PARD3B: variants seen among roughly 807,000 people sequenced by gnomAD.
PARD3B encodes partitioning defective 3 homolog B.
PARD3B carries 103 observed loss-of-function variants against 130.2 expected under a neutral mutation model. That is an observed-to-expected ratio of 0.79 (90% CI 0.67 to 0.93). The LOEUF is 0.93. Ranked by LOEUF, PARD3B falls within the 40% of genes least tolerant of loss-of-function variation. The pLI, the probability that PARD3B is intolerant of heterozygous loss-of-function variation, is 0.00. For synonymous variants in PARD3B, 583 were observed against 553.2 expected, an observed-to-expected ratio of 1.05 and a Z score of -0.76; for missense variants, 1,609 against 1,499.2, an observed-to-expected ratio of 1.07 and a Z score of -1.21.
At chr2:205,224,793 C>G (rs1467542421) in intron 15 of PARD3B, among the ~76,000 whole-genome samples, 2 of 149,682 alleles carry the variant, frequency 1.3e-5, no homozygotes, top group African/African-American at 4.9e-5. Flanking sequence ...ATTTTTTTTT[C>G]TTTTCTCATA....
At chr2:205,579,064 G>A (rs766271919) in intron 22 of PARD3B, among the ~76,000 whole-genome samples, 19 of 152,280 alleles carry the variant, frequency 1.2e-4, no homozygotes, top group Non-Finnish European at 2.5e-4. Context: ...ACGTAAAAAT[G>A]TAAATATTCC....
At chr2:204,660,965 G>C (rs1408334701) in intron 1 of PARD3B, among the ~76,000 whole-genome samples, 1 of 152,236 alleles carries the variant, frequency 6.6e-6, no homozygotes, top group South Asian at 2.1e-4. Flanking sequence ...TTTCATTGCA[G>C]TGCCTGGATA....
chr2:205,314,013 T>C (rs919117063), intron 18 of PARD3B, among the ~76,000 whole-genome samples: 1 of 152,250 alleles, frequency 6.6e-6, no homozygotes, highest in Non-Finnish European at 1.5e-5. Context: ...TTCATATACA[T>C]GTAAACATTC....
intron 3 of PARD3B, among the ~76,000 whole-genome samples, chr2:204,989,802 T>C (rs1417691227): frequency 6.6e-6 from 1 of 152,166 alleles, no homozygotes; most frequent in East Asian, 1.9e-4. Context: ...ATTCATTTCA[T>C]TGCAGTATAG....
chr2:205,193,276 A>G lies in PARD3B; in HGVS notation c.2096A>G (p.Gln699Arg), dbSNP rs891875019. 1 of 1,613,722 alleles carries G rather than the reference A, an allele frequency of 6.2e-7. No individual in the cohort carries two copies. The highest frequency in any genetic ancestry group is 8.5e-7 in the Non-Finnish European group (1 of 1,179,608). The change falls in exon 15 of 23, where the codon CAG becomes CGG. Residue 699 changes from glutamine (Q) to arginine (R), a missense_variant. Transcript: ENST00000406610. ...INFRSVTPAR[Q>R]PESINLKASK... ...TTCAGATCTGTGACACCGGCCAGGC[A>G]GCCTGAATCAATTAATTTGAAAGCC... is the stretch of plus-strand genomic sequence containing the variant.
At chr2:204,985,458 C>T (rs1693048659) in intron 3 of PARD3B, among the ~76,000 whole-genome samples, 1 of 152,094 alleles carries the variant, frequency 6.6e-6, no homozygotes, top group African/African-American at 2.4e-5. Flanking sequence ...GCCATAAGCT[C>T]CAGGAAACAT....
intron 4 of PARD3B, among the ~76,000 whole-genome samples, chr2:205,099,055 G>T (rs1330862280): frequency 5.3e-5 from 8 of 152,086 alleles, no homozygotes; most frequent in Admixed American, 5.2e-4. Context: ...CATCTTAAAG[G>T]TGTCTGACCA....
At position 205,589,788 on chromosome 2, in the gene PARD3B, C is replaced by G; in HGVS notation, c.3261-25668C>G. Among the ~76,000 whole-genome samples the G allele has an allele frequency of 6.6e-6, 1 of 152,016 alleles. No homozygotes were observed. Among genetic ancestry groups the G allele is most frequent in the East Asian group, 1.9e-4 (1 of 5,182 alleles). On this transcript the variant is annotated intron_variant, in intron 22 of 22. Transcript: ENST00000406610. The surrounding 1 kb of genome is among the most constrained non-coding windows in gnomAD (Gnocchi z 4.1). ...TTAGTTATAGGCACAGATATCTGAG[C>G]CTAAAGGAAGTTTGTCAGGAACCAA...
chr2:204,864,401 G>A (rs2045329492), intron 2 of PARD3B, among the ~76,000 whole-genome samples: 1 of 152,220 alleles, frequency 6.6e-6, no homozygotes, highest in South Asian at 2.1e-4. Context: ...ACCTCCTTTT[G>A]ACTCAGCATG....
chr2:205,403,516 GA>G (rs141265560), intron 19 of PARD3B, among the ~76,000 whole-genome samples: 112 of 148,440 alleles, frequency 7.5e-4, no homozygotes, highest in Middle Eastern at 3.4e-3. Context: ...AAAGAGGCAG[GA>G]AAAAAAAAAC....
chr2:204,764,602 T>G (rs1047455558), intron 2 of PARD3B, among the ~76,000 whole-genome samples: 4 of 152,188 alleles, frequency 2.6e-5, no homozygotes, highest in Admixed American at 2.0e-4. Flanking sequence ...GAAAACAAAC[T>G]TTGAATAAAT....
chr2:205,149,259 C>T (rs968393342), intron 10 of PARD3B, among the ~76,000 whole-genome samples: 2 of 152,072 alleles, frequency 1.3e-5, no homozygotes, highest in Non-Finnish European at 2.9e-5. Context: ...TCAGTTTCCT[C>T]TTTCCGATTC....
At chr2:204,574,000 T>C (rs1420665379) in intron 1 of PARD3B, among the ~76,000 whole-genome samples, 1 of 152,206 alleles carries the variant, frequency 6.6e-6, no homozygotes, top group African/African-American at 2.4e-5. Context: ...TAGGTAGGCA[T>C]TTGTTTTGCT....
intron 2 of PARD3B, among the ~76,000 whole-genome samples, chr2:204,947,368 A>T (rs988329969): frequency 6.6e-6 from 1 of 152,114 alleles, no homozygotes; most frequent in African/African-American, 2.4e-5. Context: ...AAAGAACTCT[A>T]CATATTCTAG....
intron 21 of PARD3B, among the ~76,000 whole-genome samples, chr2:205,523,728 G>T (rs988476714): frequency 6.6e-6 from 1 of 151,304 alleles, no homozygotes; most frequent in Non-Finnish European, 1.5e-5. Context: ...ACTATCTAGG[G>T]ATTATATGCA....
intron 18 of PARD3B, among the ~76,000 whole-genome samples, chr2:205,384,716 C>G (rs897463744): frequency 6.6e-6 from 1 of 152,068 alleles, no homozygotes; most frequent in Non-Finnish European, 1.5e-5. Flanking sequence ...TATACATAGT[C>G]TTTTGGGAAT....
chr2:205,280,108 A>G lies in PARD3B; in HGVS notation c.2186-20422A>G, dbSNP rs2041130199. ...GTTAGGATTTCTTCTGTCTAAAGGT[A>G]GGAATAGCAGTTGCCATTCTCTGAC... is the stretch of plus-strand genomic sequence containing the variant. On this transcript the variant is annotated intron_variant, in intron 16 of 22. Coordinates refer to ENST00000406610, the MANE Select transcript of PARD3B (RefSeq NM_001302769.2). The surrounding 1 kb of genome is among the most constrained non-coding windows in gnomAD (Gnocchi z 4.7). Among the ~76,000 whole-genome samples the G allele has an allele frequency of 6.6e-6, 1 of 152,212 alleles. No individual in the cohort carries two copies. Among genetic ancestry groups the G allele is most frequent in the Admixed American group, 6.5e-5 (1 of 15,280 alleles).
chr2:204,597,534 G>A (rs1455587709), intron 1 of PARD3B, among the ~76,000 whole-genome samples: 1 of 152,172 alleles, frequency 6.6e-6, no homozygotes, highest in African/African-American at 2.4e-5. Flanking sequence ...GTGTGAATGT[G>A]CTTTGCAAAC....
rs1446869764 is a variant in PARD3B at position 205,160,637 on chromosome 2, G to A, written c.1620+1730G>A. ...AAACTGGCTCAGAAATACATAAGCAGGAGCAAAAGCGAAATAGTAGTAATA... is the reference window on the plus strand; with the variant it reads ...AAACTGGCTCAGAAATACATAAGCAAGAGCAAAAGCGAAATAGTAGTAATA... On this transcript the variant is annotated intron_variant, in intron 11 of 22. Coordinates refer to ENST00000406610, the MANE Select transcript of PARD3B (RefSeq NM_001302769.2). This position sits in a 1 kb window ranked among gnomAD's most constrained non-coding sequence, Gnocchi z 4.0. Among the ~76,000 whole-genome samples, 2 of 152,202 alleles carry A rather than the reference G, an allele frequency of 1.3e-5. No homozygotes were observed. The highest frequency in any genetic ancestry group is 4.8e-5 in the African/African-American group (2 of 41,452).
Sources: allele counts gnomAD v4.1 joint callset (sites outside exome capture counted in the v4.1 genomes callset), GRCh38; gene constraint gnomAD v4.1.1; non-coding constraint Gnocchi (gnomAD v3.1); transcripts MANE v1.5; gene names NCBI Gene and HGNC (gene_info 2026-07-23, HGNC 2026-07-21).